Variants in EML6 observed in about 807,000 individuals in gnomAD.
EML6 encodes the protein EMAP like 6.
Under a neutral mutation model 240.1 loss-of-function variants are expected in EML6, and 154 were observed. The ratio of observed to expected loss-of-function variants is 0.64; its 90% CI spans 0.56 to 0.73. The LOEUF (loss-of-function observed/expected upper bound fraction) is 0.73, where lower values mean the gene tolerates loss of function less well. EML6 is among the 30% of genes least tolerant of loss of function. The probability of loss-of-function intolerance (pLI) is 0.00; values close to 1 mark genes in which losing one functional copy is unlikely to be tolerated. For synonymous variants in EML6, 1,148 were observed against 899.0 expected, an observed-to-expected ratio of 1.28 and a Z score of -4.95; for missense variants, 2,964 against 2,474.6, an observed-to-expected ratio of 1.20 and a Z score of -4.20.
chr2:54,734,968 C>T (rs1362779480), intron 2 of EML6, among the ~76,000 whole-genome samples: 1 of 152,172 alleles, frequency 6.6e-6, no homozygotes, highest in African/African-American at 2.4e-5. Flanking sequence ...CCTGATGTCC[C>T]TCCCTGTCTT....
intron 17 of EML6, among the ~76,000 whole-genome samples, chr2:54,890,175 A>T (rs916230694): frequency 1.3e-5 from 2 of 152,190 alleles, no homozygotes; most frequent in South Asian, 4.1e-4. Context: ...ATCTATTAAT[A>T]TGATCAATTG....
chr2:54,783,473 T>G (rs527956482), intron 2 of EML6, among the ~76,000 whole-genome samples: 1 of 152,342 alleles, frequency 6.6e-6, no homozygotes, highest in East Asian at 1.9e-4. Context: ...TCTTTTCATA[T>G]CTGGAACAAA....
Position 54,899,680 on chromosome 2 carries a change from C to T in EML6, c.3022C>T (p.Pro1008Ser). The T allele has an allele frequency of 6.4e-7, 1 of 1,553,820 alleles. No individual in the cohort carries two copies. The highest frequency in any genetic ancestry group is 8.7e-7 in the Non-Finnish European group (1 of 1,148,142). Residue 1008 changes from proline (P) to serine (S), a missense_variant, in exon 22 of 42, where the codon CCT becomes TCT. Transcript: ENST00000356458. ...EGEVWGLAAH[P>S]LLPICATVSD... ...AGAAGTGTGGGGGTTGGCAGCTCAC[C>T]CTCTCCTGCCCATCTGTGCAACAGT...
intron 2 of EML6, among the ~76,000 whole-genome samples, chr2:54,728,904 G>A (rs1402058669): frequency 6.6e-6 from 1 of 152,016 alleles, no homozygotes; most frequent in Non-Finnish European, 1.5e-5. Flanking sequence ...TGATGACTCT[G>A]TTCTTCCCTG....
chr2:54,940,827 G>A (rs1378515708), intron 28 of EML6, among the ~76,000 whole-genome samples: 2 of 152,178 alleles, frequency 1.3e-5, no homozygotes, highest in African/African-American at 4.8e-5. Context: ...TGTCCTTCAG[G>A]AATTACAATG....
chr2:54,884,469 C>G (rs1328042277), intron 17 of EML6, among the ~76,000 whole-genome samples: 2 of 152,138 alleles, frequency 1.3e-5, no homozygotes, highest in African/African-American at 4.8e-5. Context: ...CCCTGAAGGT[C>G]AGGAATGGGG....
At chr2:54,925,908 C>T (rs764893761) in intron 26 of EML6, among the ~76,000 whole-genome samples, 7 of 152,128 alleles carry the variant, frequency 4.6e-5, no homozygotes, top group South Asian at 2.1e-4. Flanking sequence ...ACCCTCCATG[C>T]CCTCAAGTCC....
At chr2:54,830,589 C>T (rs1461291491) in intron 7 of EML6, among the ~76,000 whole-genome samples, 1 of 152,302 alleles carries the variant, frequency 6.6e-6, no homozygotes, top group South Asian at 2.1e-4. Context: ...GAGGTTGTTC[C>T]ATAGGCCAGA....
intron 25 of EML6, among the ~76,000 whole-genome samples, chr2:54,916,365 A>G (rs1673908621): frequency 6.6e-6 from 1 of 152,194 alleles, no homozygotes; most frequent in Non-Finnish European, 1.5e-5. Context: ...TGCTCTAAAC[A>G]TCCTGACACG....
At chr2:54,918,188 C>T (rs1345647540) in intron 26 of EML6, among the ~76,000 whole-genome samples, 2 of 152,116 alleles carry the variant, frequency 1.3e-5, no homozygotes, top group Non-Finnish European at 2.9e-5. Flanking sequence ...CTTTGAATAC[C>T]TTGTCAGAGC....
intron 10 of EML6, among the ~76,000 whole-genome samples, chr2:54,852,447 C>G (rs1014813309): frequency 2.0e-5 from 3 of 152,106 alleles, no homozygotes; most frequent in African/African-American, 4.8e-5. Context: ...AAATACCATC[C>G]TGTTCAGGGG....
At chr2:54,851,279 G>A (rs1670071879) in intron 10 of EML6, among the ~76,000 whole-genome samples, 1 of 152,262 alleles carries the variant, frequency 6.6e-6, no homozygotes, top group Admixed American at 6.5e-5. Flanking sequence ...CAGGCGCGGT[G>A]GCGGGCACCT....
intron 13 of EML6, among the ~76,000 whole-genome samples, chr2:54,864,518 C>T (rs372635522): frequency 6.6e-6 from 1 of 152,218 alleles, no homozygotes; most frequent in Non-Finnish European, 1.5e-5. Flanking sequence ...TGAACACATA[C>T]CACCTTGTTA....
At chr2:54,896,149 G>A (rs1285343466) in intron 21 of EML6, among the ~76,000 whole-genome samples, 1 of 152,022 alleles carries the variant, frequency 6.6e-6, no homozygotes, top group Non-Finnish European at 1.5e-5. Context: ...CACCTCCAAG[G>A]TCCCCAAGAG....
chr2:54,890,643 G>A (rs1221517688), intron 17 of EML6, among the ~76,000 whole-genome samples: 2 of 152,172 alleles, frequency 1.3e-5, no homozygotes, highest in African/African-American at 4.8e-5. Flanking sequence ...AGTGATTCAT[G>A]TGAAGCTTTT....
chr2:54,835,087 C>G (rs76861732), intron 7 of EML6, among the ~76,000 whole-genome samples: 171 of 152,366 alleles, frequency 1.1e-3, no homozygotes, highest in African/African-American at 4.0e-3. Context: ...CTAGAATCTG[C>G]ATGACTACTT....
At chr2:54,859,291 A>G (rs1670551114) in intron 11 of EML6, among the ~76,000 whole-genome samples, 1 of 152,216 alleles carries the variant, frequency 6.6e-6, no homozygotes, top group Non-Finnish European at 1.5e-5. Context: ...TATTTGGAAC[A>G]GGTTCAGATG....
chr2:54,858,946 C>T (rs1012658495), intron 11 of EML6, among the ~76,000 whole-genome samples: 15 of 152,206 alleles, frequency 9.9e-5, no homozygotes, highest in Non-Finnish European at 2.9e-5. Flanking sequence ...GCTTATTACT[C>T]GAGTGCCTTG....
chr2:54,860,320 C>A (rs988789465), intron 12 of EML6, among the ~76,000 whole-genome samples: 1 of 152,114 alleles, frequency 6.6e-6, no homozygotes, highest in African/African-American at 2.4e-5. Context: ...GGAAAGAAGC[C>A]TCGGTTTGAT....
Sources: allele counts gnomAD v4.1 joint callset (sites outside exome capture counted in the v4.1 genomes callset), GRCh38; gene constraint gnomAD v4.1.1; transcripts MANE v1.5; gene names NCBI Gene and HGNC (gene_info 2026-07-23, HGNC 2026-07-21).